TGFBR3: variants seen among roughly 807,000 people sequenced by gnomAD.
The protein encoded by TGFBR3 is transforming growth factor beta receptor 3.
In TGFBR3, 46 loss-of-function variants were observed where a neutral mutation model predicts 87.9. The observed-to-expected ratio is 0.52, with a 90% CI of 0.41 to 0.67. The LOEUF (loss-of-function observed/expected upper bound fraction) is 0.67. Among genes scored for constraint, TGFBR3 ranks in the 30% least tolerant of loss-of-function variants. TGFBR3 has a pLI of 0.00. For synonymous variants in TGFBR3, 381 were observed against 391.6 expected, an observed-to-expected ratio of 0.97 and a Z score of 0.32; for missense variants, 866 against 1,041.9, an observed-to-expected ratio of 0.83 and a Z score of 2.32.
chr1:91,736,370 G>A (rs1672968167), intron 4 of TGFBR3, among the ~76,000 whole-genome samples: 1 of 149,876 alleles, frequency 6.7e-6, no homozygotes, highest in Non-Finnish European at 1.5e-5. Flanking sequence ...AACTACACAG[G>A]GCTCTGTGGA....
rs771813683 is a variant in TGFBR3, at chr1:91,695,797, C to T, written c.2330-18G>A. 5.6e-6 allele frequency: 9 copies of T among 1,605,918 alleles called. No homozygotes were observed. Among genetic ancestry groups the T allele is most frequent in the South Asian group, 1.1e-5 (1 of 90,902 alleles). On this transcript the variant is annotated intron_variant, in intron 15 of 16. Transcript: ENST00000212355. ...GAAAATTGCTATAAAGGAGAGAAAC[C>T]GATACACACAACTTTTTGGTTAGTC...
intron 3 of TGFBR3, chr1:91,786,233 A>G (rs1358138172): frequency 2.2e-6 from 1 of 456,268 alleles, no homozygotes; most frequent in Admixed American, 2.3e-5. Context: ...CAGGCCTGTG[A>G]ATGAATAAAC....
At chr1:91,726,540 A>G (rs560623636) in intron 7 of TGFBR3, among the ~76,000 whole-genome samples, 1 of 148,220 alleles carries the variant, frequency 6.7e-6, no homozygotes, top group African/African-American at 2.5e-5. Flanking sequence ...AAAAAAAAAA[A>G]CCCACGGGAA....
intron 1 of TGFBR3, among the ~76,000 whole-genome samples, chr1:91,868,053 G>T (rs1414955488): frequency 1.3e-5 from 2 of 152,182 alleles, no homozygotes; most frequent in Non-Finnish European, 2.9e-5. Context: ...AAATAGCCAG[G>T]ATTACAGGCA....
chr1:91,769,260 C>G (rs1674291460), intron 3 of TGFBR3, among the ~76,000 whole-genome samples: 1 of 152,232 alleles, frequency 6.6e-6, no homozygotes, highest in South Asian at 2.1e-4. Context: ...AAAACCACAG[C>G]TGCTATTCTC....
intron 3 of TGFBR3, among the ~76,000 whole-genome samples, chr1:91,782,515 C>T (rs754901353): frequency 3.9e-5 from 6 of 152,178 alleles, no homozygotes; most frequent in Non-Finnish European, 7.3e-5. Flanking sequence ...GCACTGCTTG[C>T]ACATCGACTG....
At chr1:91,888,815 C>T (rs535857120), upstream of TGFBR3, among the ~76,000 whole-genome samples, 7 of 152,264 alleles carry the variant, frequency 4.6e-5, no homozygotes, top group South Asian at 6.2e-4. Flanking sequence ...GACTGGTCCC[C>T]GTAGAGCCAG....
At chr1:91,818,256 A>C (rs1571541161) in intron 2 of TGFBR3, among the ~76,000 whole-genome samples, 1 of 146,686 alleles carries the variant, frequency 6.8e-6, no homozygotes, top group Non-Finnish European at 1.5e-5. Flanking sequence ...CTGCAACTGC[A>C]CCATTTCCCC....
intron 3 of TGFBR3, among the ~76,000 whole-genome samples, chr1:91,762,144 AG>A (rs1673987853): frequency 6.6e-6 from 1 of 152,228 alleles, no homozygotes; most frequent in South Asian, 2.1e-4. Flanking sequence ...TGCAGCTCAA[AG>A]GAGCAGCAAT....
At chr1:91,714,702 T>C (rs554274936) in intron 12 of TGFBR3, among the ~76,000 whole-genome samples, 1 of 152,244 alleles carries the variant, frequency 6.6e-6, no homozygotes, top group Non-Finnish European at 1.5e-5. Flanking sequence ...AAAAGAACAA[T>C]CTGCAATTAT....
chr1:91,836,247 C>T (rs938436986), intron 2 of TGFBR3, among the ~76,000 whole-genome samples: 1 of 151,932 alleles, frequency 6.6e-6, no homozygotes, highest in Non-Finnish European at 1.5e-5. Flanking sequence ...AACTCCATCT[C>T]AAGGAAAATA....
At chr1:91,714,068 A>G (rs1172216841) in intron 12 of TGFBR3, among the ~76,000 whole-genome samples, 1 of 151,390 alleles carries the variant, frequency 6.6e-6, no homozygotes, top group African/African-American at 2.4e-5. Context: ...ACTAAAAAGG[A>G]TTTTACTTTT....
intron 2 of TGFBR3, among the ~76,000 whole-genome samples, chr1:91,833,400 GCAGAGAGC>G (rs1676933711): frequency 7.7e-6 from 1 of 130,616 alleles, no homozygotes; most frequent in South Asian, 2.6e-4. Context: ...GGCGGAGGTT[GCAGAGAGC>G]CAAGATCACA....
At chr1:91,752,409 GCTCT>G (rs1368205660) in intron 4 of TGFBR3, among the ~76,000 whole-genome samples, 1 of 151,674 alleles carries the variant, frequency 6.6e-6, no homozygotes, top group African/African-American at 2.4e-5. Context: ...ACATACATTT[GCTCT>G]CTGATTTTAA....
rs1359349511 is a variant in TGFBR3, at chr1:91,682,962, G to A, written c.*777C>T. The A allele has an allele frequency of 2.2e-6, 1 of 454,492 alleles. No individual in the cohort carries two copies. The highest frequency in any genetic ancestry group is 4.4e-6 in the Non-Finnish European group (1 of 226,782). 28.2% of individuals were successfully genotyped at this position (454,492 alleles called of 1,614,324 possible). A position where few individuals can be genotyped will look rare whatever the true frequency, so the allele number is the denominator to read the frequency against. ...AAATATTAGGAATGGGCACAAATCT[G>A]TGGTTCCTGATTTTGGTCATTTTCA... On this transcript the variant is annotated 3_prime_UTR_variant, in exon 17 of 17. Transcript: ENST00000212355.
chr1:91,728,266 TA>T lies in TGFBR3; in HGVS notation c.738-461del, dbSNP rs200793580. Among the ~76,000 whole-genome samples the T allele has an allele frequency of 3.1e-4, 45 of 147,138 alleles. 1 individual carries two copies. The highest frequency in any genetic ancestry group is 7.4e-4 in the African/African-American group (30 of 40,328). The stretch of plus-strand genomic sequence containing the variant: ...TGTTGGGATAAGGGAAGCATGGTGG[TA>T]AAAAAAAAAATTAGGAAACTTCAGA... On this transcript the variant is annotated intron_variant, in intron 6 of 16. Coordinates refer to ENST00000212355, the MANE Select transcript of TGFBR3 (RefSeq NM_003243.5).
At chr1:91,758,830 T>A in intron 3 of TGFBR3, 80 bp from the exon 4 acceptor site, 1 of 1,576,398 alleles carries the variant, frequency 6.3e-7, no homozygotes, top group Non-Finnish European at 8.7e-7. Context: ...CTGGAATACT[T>A]TTTTTGCAAC....
intron 4 of TGFBR3, among the ~76,000 whole-genome samples, chr1:91,740,950 T>A (rs1231958691): frequency 6.6e-6 from 1 of 152,270 alleles, no homozygotes; most frequent in African/African-American, 2.4e-5. Context: ...ACTGCAAGAG[T>A]GTATAGGAGA....
At chr1:91,862,390 A>T (rs1434818358) in intron 1 of TGFBR3, among the ~76,000 whole-genome samples, 2 of 152,178 alleles carry the variant, frequency 1.3e-5, no homozygotes, top group East Asian at 1.9e-4. Context: ...TTGTGCTAGG[A>T]ATCAATCTGA....
Sources: allele counts gnomAD v4.1 joint callset (sites outside exome capture counted in the v4.1 genomes callset), GRCh38; gene constraint gnomAD v4.1.1; transcripts MANE v1.5; gene names NCBI Gene and HGNC (gene_info 2026-07-23, HGNC 2026-07-21).